The following SLC24A2 variants were observed in gnomAD, a reference collection of about 807,000 sequenced individuals.
SLC24A2 encodes the protein sodium/potassium/calcium exchanger 2.
A neutral mutation model predicts 62.0 loss-of-function variants in SLC24A2; 36 were observed. The ratio of observed to expected loss-of-function variants is 0.58; its 90% CI spans 0.44 to 0.77. The LOEUF is 0.77. Among genes scored for constraint, SLC24A2 ranks in the 30% least tolerant of loss-of-function variants. SLC24A2 has a pLI of 0.00. For missense variants in SLC24A2, 846 were observed against 817.9 expected (o/e 1.03, Z -0.42); for synonymous variants, 358 against 294.0 (o/e 1.22, Z -2.23).
chr9:19,570,351 C>G (rs1835802194), intron 7 of SLC24A2, among the ~76,000 whole-genome samples: 2 of 152,210 alleles, frequency 1.3e-5, no homozygotes, highest in Admixed American at 6.5e-5. Context: ...AACTCCGACT[C>G]ACCCATCAAC....
chr9:19,722,337 G>A (rs188598390), intron 2 of SLC24A2, among the ~76,000 whole-genome samples: 71 of 152,168 alleles, frequency 4.7e-4, no homozygotes, highest in Middle Eastern at 6.8e-3. Flanking sequence ...GCTGTTAATT[G>A]AGCTGAACTG....
chr9:20,051,861 T>C, the SLC24A2 span, among the ~76,000 whole-genome samples: 1 of 151,950 alleles, frequency 6.6e-6, no homozygotes, highest in Non-Finnish European at 1.5e-5. Flanking sequence ...CAAGGACCCC[T>C]AATGTCACTG....
the SLC24A2 span, among the ~76,000 whole-genome samples, chr9:20,043,364 A>G: frequency 6.6e-6 from 1 of 152,196 alleles, no homozygotes; most frequent in Non-Finnish European, 1.5e-5. Flanking sequence ...GTCAAGCAGT[A>G]ATTTTGACTT....
intron 2 of SLC24A2, among the ~76,000 whole-genome samples, chr9:19,721,184 T>A (rs541695125): frequency 6.6e-6 from 1 of 152,244 alleles, no homozygotes; most frequent in African/African-American, 2.4e-5. Context: ...TCACATCTAA[T>A]CCCCAAAATT....
the SLC24A2 span, among the ~76,000 whole-genome samples, chr9:19,881,171 G>A: frequency 0.097 from 14,767 of 152,142 alleles, 1,191 homozygotes; most frequent in African/African-American, 0.23. Context: ...ATTATACTCA[G>A]TGAGATCACT....
At chr9:19,706,297 T>A (rs893560105) in intron 2 of SLC24A2, among the ~76,000 whole-genome samples, 53 of 152,040 alleles carry the variant, frequency 3.5e-4, no homozygotes, top group African/African-American at 1.2e-3. Context: ...TAGATCTTTC[T>A]CCATCCTTTT....
intron 5 of SLC24A2, among the ~76,000 whole-genome samples, chr9:19,593,732 G>A (rs1442083514): frequency 2.0e-5 from 3 of 151,978 alleles, no homozygotes; most frequent in Non-Finnish European, 2.9e-5. Context: ...TGTACAACAA[G>A]CTGCAGTGGA....
At chr9:19,569,081 G>A (rs746956141) in intron 7 of SLC24A2, among the ~76,000 whole-genome samples, 8 of 151,920 alleles carry the variant, frequency 5.3e-5, no homozygotes, top group Non-Finnish European at 1.2e-4. Context: ...CTTTCTTTCT[G>A]TTTTTTAAGA....
intron 8 of SLC24A2, among the ~76,000 whole-genome samples, chr9:19,529,817 C>T (rs557376152): frequency 1.5e-4 from 22 of 145,628 alleles, no homozygotes; most frequent in African/African-American, 5.3e-4. Context: ...GTGGCATGAT[C>T]TTGGCTCACT....
At chr9:19,749,401 C>A (rs1821921812) in intron 2 of SLC24A2, among the ~76,000 whole-genome samples, 1 of 151,852 alleles carries the variant, frequency 6.6e-6, no homozygotes, top group Non-Finnish European at 1.5e-5. Context: ...ACAAAGACCA[C>A]CAGAGATTAA....
At chr9:20,063,518 G>T in the SLC24A2 span, among the ~76,000 whole-genome samples, 2 of 150,496 alleles carry the variant, frequency 1.3e-5, no homozygotes, top group Non-Finnish European at 3.0e-5. Flanking sequence ...GGGAGGGATG[G>T]CATTGGGAGA....
the SLC24A2 span, among the ~76,000 whole-genome samples, chr9:20,065,041 C>A: frequency 6.6e-6 from 1 of 152,318 alleles, no homozygotes; most frequent in South Asian, 2.1e-4. Flanking sequence ...GAACTGGTAT[C>A]CAACCGATGA....
At chr9:19,530,844 G>T (rs1833673848) in intron 8 of SLC24A2, among the ~76,000 whole-genome samples, 1 of 152,094 alleles carries the variant, frequency 6.6e-6, no homozygotes, top group Non-Finnish European at 1.5e-5. Context: ...TAAAGTCTGA[G>T]AACTTACTCT....
At chr9:20,222,432 A>T in the SLC24A2 span, among the ~76,000 whole-genome samples, 1 of 152,104 alleles carries the variant, frequency 6.6e-6, no homozygotes, top group African/African-American at 2.4e-5. Context: ...TAGGCAATTA[A>T]AACTAGATTT....
the SLC24A2 span, among the ~76,000 whole-genome samples, chr9:19,930,140 G>C: frequency 2.0e-5 from 3 of 152,056 alleles, no homozygotes; most frequent in African/African-American, 4.8e-5. Flanking sequence ...TGTTTATAAA[G>C]TCTACAGTAG....
chr9:20,202,012 C>T, the SLC24A2 span, among the ~76,000 whole-genome samples: 3 of 151,332 alleles, frequency 2.0e-5, no homozygotes, highest in Admixed American at 6.6e-5. Context: ...TTTGGGAAGT[C>T]GCCAGAATCT....
In SLC24A2 at chr9:19,510,435, C is replaced by CAAAAAA. The variant is rs67779057; in HGVS notation, c.*5712_*5717dup. 3.5e-5 allele frequency: 3 copies of CAAAAAA among 86,628 alleles called. No individual in the cohort carries two copies. The highest frequency in any genetic ancestry group is 9.5e-5 in the African/African-American group (2 of 21,108). The allele number at this position is 86,628 out of a possible 1,614,324, so 5.4% of individuals were successfully genotyped here. On this transcript the variant is annotated 3_prime_UTR_variant, in exon 11 of 11. Coordinates refer to ENST00000341998, the MANE Select transcript of SLC24A2 (RefSeq NM_020344.4). ...GTGCCCAGATGCAGTTACTTTTTGC[C>CAAAAAA]AAAAAAAAAAAAAAAAAAAAAAAAA...
rs554042740 is a variant in SLC24A2, at chr9:19,588,817, C to G, written c.1129+8412G>C. ...CTCTACTAAAAATACAAAAATTAGCCAAGCATGGTGGCGCCTGCCTGTAAT... is the reference window on the plus strand; with the variant it reads ...CTCTACTAAAAATACAAAAATTAGCGAAGCATGGTGGCGCCTGCCTGTAAT... On this transcript the variant is annotated intron_variant, in intron 5 of 10. Transcript: ENST00000341998. Among the ~76,000 whole-genome samples the G allele has an allele frequency of 1.9e-4, 29 of 152,222 alleles. No individual in the cohort carries two copies. The South Asian group carries it at 6.0e-3, about 32-fold the overall frequency.
At chr9:19,847,400 G>C in the SLC24A2 span, among the ~76,000 whole-genome samples, 1 of 152,024 alleles carries the variant, frequency 6.6e-6, no homozygotes, top group Admixed American at 6.6e-5. Flanking sequence ...TTTAGCCTTG[G>C]CTACCAAGAA....
Sources: gnomAD v4.1 joint callset for allele counts (sites outside exome capture counted in the v4.1 genomes callset) on GRCh38, gnomAD v4.1.1 for gene constraint, MANE v1.5 for transcripts, NCBI Gene and HGNC (gene_info 2026-07-23, HGNC 2026-07-21) for gene names.